The following SLC37A1 variants were observed in gnomAD, a reference collection of about 807,000 sequenced individuals.
The protein encoded by SLC37A1 is solute carrier family 37 member 1.
A neutral mutation model predicts 75.3 loss-of-function variants in SLC37A1; 49 were observed. The observed-to-expected ratio is 0.65, with a 90% CI of 0.52 to 0.83. SLC37A1 has a LOEUF of 0.83. Among genes scored for constraint, SLC37A1 ranks in the 40% least tolerant of loss-of-function variants. SLC37A1 has a pLI of 0.00. For missense variants in SLC37A1, 566 were observed against 695.0 expected (o/e 0.81, Z 2.09); for synonymous variants, 268 against 292.1 (o/e 0.92, Z 0.84).
At chr21:42,554,982 G>GGTT (rs368777229) in intron 10 of SLC37A1, among the ~76,000 whole-genome samples, 50 of 116,592 alleles carry the variant, frequency 4.3e-4, no homozygotes, top group Admixed American at 8.7e-4. Context: ...TTGGTTGGTT[G>GGTT]TTTTTTTTTT....
chr21:42,563,266 G>C (rs767281918), intron 12 of SLC37A1, among the ~76,000 whole-genome samples: 1 of 152,202 alleles, frequency 6.6e-6, no homozygotes, highest in Non-Finnish European at 1.5e-5. Flanking sequence ...GACATTTCCA[G>C]TCTGTTTGAA....
At chr21:42,546,747 G>A (rs560204654) in intron 8 of SLC37A1, among the ~76,000 whole-genome samples, 3 of 152,350 alleles carry the variant, frequency 2.0e-5, no homozygotes, top group African/African-American at 4.8e-5. Context: ...ATGCTATGGC[G>A]ATGGCTTTTT....
chr21:42,550,521 T>C (rs2055530356), intron 9 of SLC37A1, among the ~76,000 whole-genome samples: 1 of 152,104 alleles, frequency 6.6e-6, no homozygotes, highest in Non-Finnish European at 1.5e-5. Context: ...CTGCCAAACA[T>C]GGAAAGAAGA....
At chr21:42,535,002 G>A (rs770505866) in intron 4 of SLC37A1, among the ~76,000 whole-genome samples, 172 bp downstream of exon 4, 10 of 152,244 alleles carry the variant, frequency 6.6e-5, no homozygotes, top group Non-Finnish European at 1.2e-4. Context: ...GTGCCTGTGC[G>A]CAGAGCTGTT....
At chr21:42,565,021 C>T (rs149818709) in intron 14 of SLC37A1, among the ~76,000 whole-genome samples, 2 of 152,400 alleles carry the variant, frequency 1.3e-5, no homozygotes, top group Non-Finnish European at 2.9e-5. Context: ...GGGCCGCGCG[C>T]AAGCTGCTCC....
chr21:42,500,540 C>T (rs1199650123), intron 1 of SLC37A1, among the ~76,000 whole-genome samples: 1 of 152,146 alleles, frequency 6.6e-6, no homozygotes, highest in African/African-American at 2.4e-5. Context: ...AATTGTACTG[C>T]TGTTAATCTT....
intron 2 of SLC37A1, among the ~76,000 whole-genome samples, chr21:42,507,632 AG>A (rs2054396119): frequency 6.6e-6 from 1 of 152,264 alleles, no homozygotes; most frequent in Non-Finnish European, 1.5e-5. Context: ...CTGAACAAGA[AG>A]CATGGCACCA....
In SLC37A1 at chr21:42,548,005, C is replaced by T. The variant is rs576008384; in HGVS notation, c.768+865C>T. 9.8e-5 allele frequency among the ~76,000 whole-genome samples: 15 copies of T among 152,306 alleles called. No individual in the cohort carries two copies. The highest frequency in any genetic ancestry group is 2.6e-4 in the Admixed American group (4 of 15,306). On this transcript the variant is annotated intron_variant, in intron 9 of 19. Coordinates refer to ENST00000352133, the MANE Select transcript of SLC37A1 (RefSeq NM_001320537.2). The surrounding 1 kb of genome is among the most constrained non-coding windows in gnomAD (Gnocchi z 5.6). ...CTCACCCTGCTGGGCCCGTCGCCCG[C>T]GTCTGACCCAATGCTTCCCTCCCTC...
At chr21:42,562,676 G>GC (rs11323705) in intron 12 of SLC37A1, among the ~76,000 whole-genome samples, 2 of 151,954 alleles carry the variant, frequency 1.3e-5, no homozygotes, top group East Asian at 1.9e-4. Flanking sequence ...ATAGTAACAT[G>GC]CCCCCCCCAT....
chr21:42,569,170 G>T (rs922436635), intron 17 of SLC37A1, among the ~76,000 whole-genome samples: 1 of 152,178 alleles, frequency 6.6e-6, no homozygotes, highest in Non-Finnish European at 1.5e-5. Context: ...GCTGCGTGGG[G>T]GTCTCCAGTA....
intron 3 of SLC37A1, among the ~76,000 whole-genome samples, chr21:42,532,368 G>A (rs2055008259): frequency 6.6e-6 from 1 of 152,188 alleles, no homozygotes. Flanking sequence ...TCTGCACCAG[G>A]TTAATGTTAG....
intron 13 of SLC37A1, 149 bp from the exon 14 acceptor site, chr21:42,564,559 G>T: frequency 1.6e-6 from 1 of 644,262 alleles, no homozygotes; most frequent in South Asian, 1.8e-5. Flanking sequence ...GGGGAGGTCA[G>T]GGCTGTGAGA....
At chr21:42,536,846 A>G (rs2055152208) in intron 5 of SLC37A1, among the ~76,000 whole-genome samples, 1 of 152,206 alleles carries the variant, frequency 6.6e-6, no homozygotes. Flanking sequence ...CTCATGACCC[A>G]AATGCCCTTC....
Position 42,559,105 on chromosome 21 carries a change from C to T in SLC37A1, c.981+16C>T, listed in dbSNP as rs1241960214. 3 of 1,604,290 alleles carry T rather than the reference C, an allele frequency of 1.9e-6. No homozygotes were observed. Among genetic ancestry groups the T allele is most frequent in the Admixed American group, 3.4e-5 (2 of 58,140 alleles). ...GAAAATTCCAGTAAGTAAACGTGCC[C>T]AGGAGGAGTTTCAGAAAGGGCTGCT... is the stretch of plus-strand genomic sequence containing the variant. On this transcript the variant is annotated intron_variant, in intron 11 of 19. Transcript: ENST00000352133.
chr21:42,538,160 G>A (rs1191879299), intron 5 of SLC37A1, among the ~76,000 whole-genome samples: 3 of 152,234 alleles, frequency 2.0e-5, no homozygotes, highest in African/African-American at 4.8e-5. Flanking sequence ...CCATCTGGTT[G>A]TGCCAGCTGT....
intron 1 of SLC37A1, among the ~76,000 whole-genome samples, chr21:42,517,858 A>G (rs1421487789): frequency 6.6e-6 from 1 of 152,170 alleles, no homozygotes; most frequent in Non-Finnish European, 1.5e-5. Context: ...CTCTGTCACT[A>G]CGGTTCAAAG....
intron 9 of SLC37A1, among the ~76,000 whole-genome samples, chr21:42,549,548 T>G (rs1276230998): frequency 3.9e-5 from 6 of 152,222 alleles, no homozygotes; most frequent in African/African-American, 1.4e-4. Context: ...ATGGCTGATA[T>G]CTGGGGATAT....
In SLC37A1 at chr21:42,543,753, C is replaced by T. The variant is rs561599496; in HGVS notation, c.730+151C>T. The T allele has an allele frequency of 1.0e-4, 73 of 726,776 alleles. No individual in the cohort carries two copies. The South Asian group carries it at 1.5e-3, about 15-fold the overall frequency. The allele number at this position is 726,776 out of a possible 1,614,324, so 45.0% of individuals were successfully genotyped here. Reference sequence around the variant, plus strand: ...GCGCTCTTCTTACCAGGGAGACTTCCCCGGGGAGCCGGTTCTCTCCTGGTT... The same window carrying T: ...GCGCTCTTCTTACCAGGGAGACTTCTCCGGGGAGCCGGTTCTCTCCTGGTT... On this transcript the variant is annotated intron_variant, in intron 8 of 19. Transcript: ENST00000352133.
intron 17 of SLC37A1, among the ~76,000 whole-genome samples, chr21:42,573,646 A>G (rs901612690): frequency 1.1e-4 from 16 of 152,282 alleles, no homozygotes; most frequent in Admixed American, 9.8e-4. Flanking sequence ...GGATTATAAA[A>G]TAGTAAGTGC....
Sources: allele counts gnomAD v4.1 joint callset (sites outside exome capture counted in the v4.1 genomes callset), GRCh38; gene constraint gnomAD v4.1.1; non-coding constraint Gnocchi (gnomAD v3.1); transcripts MANE v1.5; gene names NCBI Gene and HGNC (gene_info 2026-07-23, HGNC 2026-07-21).